The following THRB variants were observed in gnomAD, a reference collection of about 807,000 sequenced individuals.
The protein encoded by THRB is nuclear receptor subfamily 1 group A member 2.
THRB carries 12 observed loss-of-function variants against 47.8 expected under a neutral mutation model. That is an observed-to-expected ratio of 0.25 (90% CI 0.16 to 0.41). THRB has a LOEUF of 0.41. Among genes scored for constraint, THRB ranks in the 10% least tolerant of loss-of-function variants. The pLI, the probability that THRB is intolerant of heterozygous loss-of-function variation, is 1.00. For synonymous variants in THRB, 218 were observed against 212.2 expected, an observed-to-expected ratio of 1.03 and a Z score of -0.24; for missense variants, 348 against 589.2, an observed-to-expected ratio of 0.59 and a Z score of 4.24.
At chr3:24,204,195 A>G (rs765762721) in intron 4 of THRB, among the ~76,000 whole-genome samples, 4 of 152,260 alleles carry the variant, frequency 2.6e-5, no homozygotes, top group African/African-American at 4.8e-5. Context: ...GAAAACAGAC[A>G]GACTGCCTCC....
rs772285392 is a variant in THRB at position 24,146,701 on chromosome 3, C to G, written c.506G>C (p.Cys169Ser). ...NQCQECRFKK[C>S]IYVGMATDLV... ...ATCTGTTGCCATGCCAACATAGATG[C>G]ATTTCTTAAAGCGACATTCCTGGCA... The change falls in exon 7 of 11, where the codon TGC (cysteine) becomes TCC (serine). Residue 169 changes from cysteine to serine, a missense_variant. Cys to Ser is a moderately radical substitution (Grantham distance 112). Transcript: ENST00000646209. 5 of 1,614,176 alleles carry G rather than the reference C, an allele frequency of 3.1e-6. No individual in the cohort carries two copies. The highest frequency in any genetic ancestry group is 3.4e-6 in the Non-Finnish European group (4 of 1,180,014).
At chr3:24,467,650 G>A (rs955134749) in intron 1 of THRB, among the ~76,000 whole-genome samples, 1 of 152,196 alleles carries the variant, frequency 6.6e-6, no homozygotes, top group Non-Finnish European at 1.5e-5. Context: ...TGTCAGTGAG[G>A]AGTCATATTT....
chr3:24,159,132 C>T, intron 5 of THRB, among the ~76,000 whole-genome samples: 1 of 152,198 alleles, frequency 6.6e-6, no homozygotes, highest in East Asian at 1.9e-4. Context: ...CATTTCTTTA[C>T]CTGAAAATCC....
chr3:24,240,385 T>G (rs1044917329), intron 3 of THRB, among the ~76,000 whole-genome samples: 1 of 152,096 alleles, frequency 6.6e-6, no homozygotes, highest in Non-Finnish European at 1.5e-5. Context: ...ACGAAGAATC[T>G]AAAAAGTAAA....
intron 10 of THRB, 85 bp downstream of exon 10, chr3:24,127,414 G>T: frequency 7.1e-7 from 1 of 1,417,698 alleles, no homozygotes; most frequent in East Asian, 2.3e-5. Context: ...AAGCTAAAGG[G>T]GGACTGAAAA....
intron 3 of THRB, among the ~76,000 whole-genome samples, chr3:24,237,345 A>G (rs147681670): frequency 3.1e-4 from 47 of 152,306 alleles, no homozygotes; most frequent in African/African-American, 1.1e-3. Flanking sequence ...AAATAATTCA[A>G]CCAGGGTCTA....
intron 5 of THRB, among the ~76,000 whole-genome samples, chr3:24,182,057 C>T (rs996234069): frequency 1.3e-5 from 2 of 151,972 alleles, no homozygotes; most frequent in Non-Finnish European, 2.9e-5. Flanking sequence ...AAAAGTTAGC[C>T]GGGCGTGGTG....
intron 3 of THRB, among the ~76,000 whole-genome samples, chr3:24,242,464 G>C (rs559202716): frequency 2.6e-5 from 4 of 152,192 alleles, no homozygotes; most frequent in Non-Finnish European, 4.4e-5. Context: ...CAGCAGCTCA[G>C]ATATGCAACT....
chr3:24,149,255 C>A (rs187149219), intron 6 of THRB, among the ~76,000 whole-genome samples: 1 of 152,208 alleles, frequency 6.6e-6, no homozygotes, highest in East Asian at 1.9e-4. Flanking sequence ...CTGGAGGAAA[C>A]AATAATTTCC....
At chr3:24,265,608 T>C (rs1406690916) in intron 3 of THRB, among the ~76,000 whole-genome samples, 11 of 152,308 alleles carry the variant, frequency 7.2e-5, no homozygotes, top group African/African-American at 2.6e-4. Flanking sequence ...CAAAGAATAC[T>C]TATCTTAGAA....
intron 1 of THRB, among the ~76,000 whole-genome samples, chr3:24,403,340 G>T (rs945478813): frequency 5.3e-5 from 8 of 151,996 alleles, no homozygotes; most frequent in Non-Finnish European, 1.2e-4. Flanking sequence ...AGGAGTTTTA[G>T]CTGGATCCAT....
At chr3:24,147,201 A>C (rs1298179829) in intron 6 of THRB, among the ~76,000 whole-genome samples, 1 of 152,208 alleles carries the variant, frequency 6.6e-6, no homozygotes, top group Non-Finnish European at 1.5e-5. Context: ...GAGTTTTGCT[A>C]CTTTATACTG....
chr3:24,429,029 T>C (rs2070089819), intron 1 of THRB, among the ~76,000 whole-genome samples: 1 of 151,890 alleles, frequency 6.6e-6, no homozygotes. Context: ...TTCTTGATTA[T>C]CAAAAGAAGG....
At chr3:24,195,756 G>A (rs2043876712) in intron 4 of THRB, among the ~76,000 whole-genome samples, 1 of 152,202 alleles carries the variant, frequency 6.6e-6, no homozygotes, top group Non-Finnish European at 1.5e-5. Flanking sequence ...AACATAGGAA[G>A]CCCATTCCCA....
intron 1 of THRB, among the ~76,000 whole-genome samples, chr3:24,375,605 G>A (rs2065228498): frequency 6.7e-6 from 1 of 149,700 alleles, no homozygotes; most frequent in Non-Finnish European, 1.5e-5. Flanking sequence ...CTAACTCAAG[G>A]AATATGCTAA....
Position 24,269,936 on chromosome 3 carries a change from T to G in THRB, c.-43+27290A>C, listed in dbSNP as rs144114872. ...TCCTTCTTTGGCTTTTTCTGAATTG[T>G]TTTCTCACAAAACTCTTAGCTTTTT... On this transcript the variant is annotated intron_variant, in intron 3 of 10. Coordinates refer to ENST00000646209, the MANE Select transcript of THRB (RefSeq NM_001354712.2). Among the ~76,000 whole-genome samples, 749 of 152,306 alleles carry G rather than the reference T, an allele frequency of 4.9e-3. 3 individuals are homozygous for G. Among genetic ancestry groups the G allele is most frequent in the African/African-American group, 0.017 (726 of 41,558 alleles).
intron 2 of THRB, among the ~76,000 whole-genome samples, chr3:24,300,004 T>A (rs953964424): frequency 6.6e-6 from 1 of 151,956 alleles, no homozygotes; most frequent in Non-Finnish European, 1.5e-5. Flanking sequence ...TCTCACTTAC[T>A]CAGCAATGAC....
At chr3:24,144,619 C>G (rs2035863388) in intron 7 of THRB, 1 of 152,114 alleles carries the variant, frequency 6.6e-6, no homozygotes, top group South Asian at 2.1e-4. Context: ...ATTTCCAAAA[C>G]CAAAACCGTT....
At chr3:24,327,674 T>G (rs1258411463) in intron 2 of THRB, among the ~76,000 whole-genome samples, 1 of 152,212 alleles carries the variant, frequency 6.6e-6, no homozygotes, top group Non-Finnish European at 1.5e-5. Flanking sequence ...ATAAACTATA[T>G]TTTATGTGAA....
Sources: allele counts gnomAD v4.1 joint callset (sites outside exome capture counted in the v4.1 genomes callset), GRCh38; gene constraint gnomAD v4.1.1; transcripts MANE v1.5; gene names NCBI Gene and HGNC (gene_info 2026-07-23, HGNC 2026-07-21).